The following ADGRL3 variants were observed in gnomAD, a reference collection of about 807,000 sequenced individuals.
ADGRL3 encodes the protein adhesion G protein-coupled receptor L3.
Under a neutral mutation model 153.5 loss-of-function variants are expected in ADGRL3, and 62 were observed. The ratio of observed to expected loss-of-function variants is 0.40; its 90% confidence interval spans 0.33 to 0.50. ADGRL3 has a LOEUF of 0.50. Ranked by LOEUF, ADGRL3 falls within the 20% of genes least tolerant of loss-of-function variation. ADGRL3 has a pLI of 0.47. For synonymous variants in ADGRL3, 710 were observed against 672.5 expected, an observed-to-expected ratio of 1.06 and a Z score of -0.86; for missense variants, 1,641 against 1,859.4, an observed-to-expected ratio of 0.88 and a Z score of 2.16.
At chr4:61,795,413 C>T (rs551751638) in intron 8 of ADGRL3, among the ~76,000 whole-genome samples, 6 of 152,172 alleles carry the variant, frequency 3.9e-5, no homozygotes, top group South Asian at 2.1e-4. Context: ...CTCTGTGGGC[C>T]GCAACCTATA....
chr4:62,070,764 C>T lies in ADGRL3; in HGVS notation c.4488C>T (p.Gly1496=). 6.4e-7 allele frequency: 1 copy of T among 1,551,628 alleles called. No homozygotes were observed. The highest frequency in any genetic ancestry group is 8.7e-7 in the Non-Finnish European group (1 of 1,146,978). The change falls in exon 27 of 27, where the codon GGC becomes GGT. Residue 1496 remains glycine (G), a synonymous_variant. Transcript: ENST00000683033. ...ACTACAAAAGCATGCCAAACCTAGG[C>T]TCCAGAAACCACGTCCATCAGCTGC... ...DVYYKSMPNL[G]SRNHVHQLHT...
chr4:61,868,813 T>A (rs571461022), intron 9 of ADGRL3, among the ~76,000 whole-genome samples: 2 of 152,312 alleles, frequency 1.3e-5, no homozygotes, highest in South Asian at 4.1e-4. Context: ...TTTGCCTGCC[T>A]TGGTTCCTAT....
At chr4:61,680,405 C>CAT (rs2095309998) in intron 6 of ADGRL3, among the ~76,000 whole-genome samples, 1 of 144,066 alleles carries the variant, frequency 6.9e-6, no homozygotes, top group African/African-American at 2.6e-5. Flanking sequence ...TATACATACT[C>CAT]GTGTGTGTGT....
chr4:61,358,528 C>A (rs1020749105), intron 1 of ADGRL3, among the ~76,000 whole-genome samples: 8 of 136,034 alleles, frequency 5.9e-5, no homozygotes, highest in African/African-American at 1.4e-4. Context: ...ACTCGGGAGG[C>A]GGAGCTTGCA....
chr4:61,582,240 A>G (rs1402031599), intron 4 of ADGRL3, among the ~76,000 whole-genome samples: 1 of 151,928 alleles, frequency 6.6e-6, no homozygotes, highest in African/African-American at 2.4e-5. Flanking sequence ...GGTCTGTTAC[A>G]TAGGTAAATG....
intron 1 of ADGRL3, among the ~76,000 whole-genome samples, chr4:61,259,423 AAAATAAAT>A (rs58289743): frequency 0.026 from 3,665 of 142,858 alleles, 86 homozygotes; most frequent in African/African-American, 0.056. Flanking sequence ...ACTCTGTCTC[AAAATAAAT>A]AAATAAATAA....
intron 5 of ADGRL3, among the ~76,000 whole-genome samples, chr4:61,634,798 T>C (rs1237815386): frequency 6.6e-6 from 1 of 151,990 alleles, no homozygotes; most frequent in East Asian, 1.9e-4. Flanking sequence ...AAGAATAAGG[T>C]CCAAAGAGAA....
chr4:61,514,352 G>A (rs536674040), intron 3 of ADGRL3, among the ~76,000 whole-genome samples: 12 of 152,160 alleles, frequency 7.9e-5, no homozygotes, highest in South Asian at 2.1e-4. Context: ...CTTAAGATTC[G>A]TGTTTCTAAT....
intron 1 of ADGRL3, among the ~76,000 whole-genome samples, chr4:61,226,810 A>G (rs1330645750): frequency 2.0e-5 from 3 of 152,034 alleles, no homozygotes; most frequent in East Asian, 3.9e-4. Flanking sequence ...AAAACTAAGG[A>G]AAATGGATTC....
At chr4:61,783,114 C>T (rs1429894562) in intron 8 of ADGRL3, among the ~76,000 whole-genome samples, 12 of 152,096 alleles carry the variant, frequency 7.9e-5, no homozygotes, top group Admixed American at 7.9e-4. Context: ...GATACAAAAA[C>T]ACTAATATCA....
intron 19 of ADGRL3, among the ~76,000 whole-genome samples, 190 bp from the exon 20 acceptor site, chr4:61,996,101 C>G (rs1303460090): frequency 6.6e-6 from 1 of 151,990 alleles, no homozygotes; most frequent in East Asian, 1.9e-4. Flanking sequence ...GGCTAATTAT[C>G]TTACTCCATC....
chr4:61,703,550 A>G lies in ADGRL3; in HGVS notation c.583+26615A>G, dbSNP rs181225628. Among the ~76,000 whole-genome samples the G allele has an allele frequency of 2.1e-3, 325 of 152,278 alleles. 3 individuals carry two copies. The highest frequency in any genetic ancestry group is 7.3e-3 in the African/African-American group (302 of 41,572). ...ACTGCTTATTCTTTCAACACCTAAG[A>G]ATAATTTTTTGATTTTAGAGTTAAA... is the stretch of plus-strand genomic sequence containing the variant. On this transcript the variant is annotated intron_variant, in intron 6 of 26. Transcript: ENST00000683033.
chr4:61,246,503 T>C (rs1757145044), intron 1 of ADGRL3, among the ~76,000 whole-genome samples: 1 of 152,078 alleles, frequency 6.6e-6, no homozygotes, highest in Non-Finnish European at 1.5e-5. Flanking sequence ...AAATTTGTTT[T>C]GGTTTTACCA....
intron 6 of ADGRL3, among the ~76,000 whole-genome samples, chr4:61,683,588 C>T (rs1283665123): frequency 6.6e-6 from 1 of 151,982 alleles, no homozygotes; most frequent in Non-Finnish European, 1.5e-5. Flanking sequence ...AGTGAAGACA[C>T]CACTCAAAGG....
chr4:61,563,323 C>T (rs1310640363), intron 4 of ADGRL3, among the ~76,000 whole-genome samples: 3 of 152,052 alleles, frequency 2.0e-5, no homozygotes, highest in Non-Finnish European at 4.4e-5. Context: ...GTAAACCATA[C>T]CATAAACAGA....
chr4:61,747,103 T>C (rs1403098088), intron 8 of ADGRL3, among the ~76,000 whole-genome samples: 2 of 151,998 alleles, frequency 1.3e-5, no homozygotes, highest in Non-Finnish European at 2.9e-5. Flanking sequence ...AACTAGAAAA[T>C]GTAGAAGAAA....
At chr4:61,665,733 A>G (rs2094770786) in intron 5 of ADGRL3, among the ~76,000 whole-genome samples, 1 of 152,164 alleles carries the variant, frequency 6.6e-6, no homozygotes, top group African/African-American at 2.4e-5. Context: ...AAATGCCATC[A>G]CATTTCTATT....
chr4:61,366,136 C>CT (rs912835931), intron 1 of ADGRL3, among the ~76,000 whole-genome samples: 15 of 130,346 alleles, frequency 1.2e-4, no homozygotes, highest in Non-Finnish European at 2.5e-4. Flanking sequence ...TAAATATTTT[C>CT]TTTAAAAAAA....
chr4:61,896,053 T>C (rs912417541), intron 11 of ADGRL3, among the ~76,000 whole-genome samples: 9 of 152,128 alleles, frequency 5.9e-5, no homozygotes, highest in Admixed American at 5.9e-4. Flanking sequence ...ATAATAATTT[T>C]ATTATTAATA....
Sources: gnomAD v4.1 joint callset for allele counts (sites outside exome capture counted in the v4.1 genomes callset) on GRCh38, gnomAD v4.1.1 for gene constraint, MANE v1.5 for transcripts, NCBI Gene and HGNC (gene_info 2026-07-23, HGNC 2026-07-21) for gene names.